Variants in SEMA3D observed in about 807,000 individuals in gnomAD.
SEMA3D encodes semaphorin 3D.
SEMA3D carries 84 observed loss-of-function variants against 100.1 expected under a neutral mutation model. That is an observed-to-expected ratio of 0.84 (90% CI 0.70 to 1.01). The LOEUF (loss-of-function observed/expected upper bound fraction) is 1.01. Ranked by LOEUF, SEMA3D falls within the 50% of genes least tolerant of loss-of-function variation. SEMA3D has a pLI of 0.00. For missense variants in SEMA3D, 875 were observed against 934.1 expected (o/e 0.94, Z 0.82); for synonymous variants, 312 against 320.7 (o/e 0.97, Z 0.29).
chr7:85,014,058 G>A (rs1790030664), intron 16 of SEMA3D, among the ~76,000 whole-genome samples: 1 of 151,488 alleles, frequency 6.6e-6, no homozygotes, highest in Non-Finnish European at 1.5e-5. Flanking sequence ...TGGATTTCAG[G>A]GAATATAAAA....
In SEMA3D at chr7:85,006,897, C is replaced by T; in HGVS notation, c.1813G>A (p.Glu605Lys). 6.2e-7 allele frequency: 1 copy of T among 1,610,630 alleles called. No homozygotes were observed. The highest frequency in any genetic ancestry group is 8.5e-7 in the Non-Finnish European group (1 of 1,177,928). Reference sequence around the variant, plus strand: ...CATTCCAGAAAGGTTGAGTTAAATTCAATGCCAAAAATCACCTTTTCATCA... The same window carrying T: ...CATTCCAGAAAGGTTGAGTTAAATTTAATGCCAAAAATCACCTTTTCATCA... Reference protein sequence around the residue: ...TADEKVIFGIEFNSTFLECIP... With the variant: ...TADEKVIFGIKFNSTFLECIP... The change falls in exon 18 of 19, where the codon GAA becomes AAA. Residue 605 changes from glutamate (E) to lysine (K), a missense_variant. Transcript: ENST00000284136.
chr7:85,225,600 A>G, the SEMA3D span, among the ~76,000 whole-genome samples: 2 of 152,300 alleles, frequency 1.3e-5, no homozygotes. Flanking sequence ...ATTTTGATTT[A>G]GGTACATATC....
At chr7:85,029,718 C>A in intron 12 of SEMA3D, 1 of 285,942 alleles carries the variant, frequency 3.5e-6, no homozygotes, top group Non-Finnish European at 7.0e-6. Context: ...ATAGATGTAG[C>A]ATTCTTCTAC....
chr7:85,075,516 A>G (rs1791897596), intron 5 of SEMA3D, among the ~76,000 whole-genome samples: 1 of 152,068 alleles, frequency 6.6e-6, no homozygotes, highest in African/African-American at 2.4e-5. Context: ...CCTAGAAAGT[A>G]GCCTAATATG....
chr7:85,214,795 C>T, the SEMA3D span, among the ~76,000 whole-genome samples: 5 of 152,080 alleles, frequency 3.3e-5, no homozygotes, highest in African/African-American at 1.2e-4. Flanking sequence ...CGTGCCCGGC[C>T]TGTTTTTGGC....
intron 2 of SEMA3D, chr7:85,140,673 A>C (rs1242040251): frequency 1.0e-6 from 1 of 979,212 alleles, no homozygotes; most frequent in East Asian, 1.1e-4. Flanking sequence ...CACATTATTA[A>C]GTGCTTCTGT....
intron 11 of SEMA3D, among the ~76,000 whole-genome samples, chr7:85,037,435 GTTA>G (rs944120760): frequency 1.2e-4 from 19 of 152,148 alleles, no homozygotes; most frequent in Admixed American, 4.6e-4. Context: ...TTTATTTAAA[GTTA>G]TTATGGCATA....
chr7:85,164,433 C>T lies in SEMA3D; in HGVS notation c.-172-10694G>A, dbSNP rs115990874. On this transcript the variant is annotated intron_variant, in intron 1 of 18. Coordinates refer to ENST00000284136, the MANE Select transcript of SEMA3D (RefSeq NM_001384900.1). ...TAAGCAGATAGAGAGCATTTTTGAG[C>T]TGCAAATCTTTAAAAAATATTTTTT... 1.6e-3 allele frequency among the ~76,000 whole-genome samples: 245 copies of T among 152,168 alleles called. 1 individual carries two copies. The highest frequency in any genetic ancestry group is 5.7e-3 in the African/African-American group (235 of 41,538).
chr7:85,245,480 G>A, the SEMA3D span, among the ~76,000 whole-genome samples: 4 of 152,158 alleles, frequency 2.6e-5, no homozygotes, highest in East Asian at 3.9e-4. Context: ...TATAATGTTC[G>A]ACTTTCTCAA....
the SEMA3D span, among the ~76,000 whole-genome samples, chr7:85,243,153 C>A: frequency 6.6e-6 from 1 of 152,280 alleles, no homozygotes; most frequent in African/African-American, 2.4e-5. Flanking sequence ...TCTGATGGAA[C>A]CTCAGCAGGT....
chr7:85,202,731 A>C, the SEMA3D span, among the ~76,000 whole-genome samples: 3 of 152,198 alleles, frequency 2.0e-5, no homozygotes, highest in Non-Finnish European at 4.4e-5. Context: ...GCCAAAAAAC[A>C]CATGAAAAAA....
At chr7:85,206,603 A>G in the SEMA3D span, among the ~76,000 whole-genome samples, 1 of 152,158 alleles carries the variant, frequency 6.6e-6, no homozygotes, top group Non-Finnish European at 1.5e-5. Flanking sequence ...AATTTCAACC[A>G]GTTACATGTT....
chr7:85,224,465 T>A, the SEMA3D span, among the ~76,000 whole-genome samples: 5 of 152,262 alleles, frequency 3.3e-5, no homozygotes, highest in East Asian at 5.8e-4. Context: ...AAGTTATGGC[T>A]GAAATTAATT....
At chr7:85,151,435 T>C (rs140600796) in intron 2 of SEMA3D, among the ~76,000 whole-genome samples, 19 of 152,166 alleles carry the variant, frequency 1.2e-4, no homozygotes, top group African/African-American at 2.6e-4. Context: ...TGTGATACTC[T>C]TAAAAAACAG....
chr7:85,043,445 C>T (rs1201167129), intron 9 of SEMA3D, among the ~76,000 whole-genome samples: 3 of 152,044 alleles, frequency 2.0e-5, no homozygotes, highest in African/African-American at 7.2e-5. Flanking sequence ...TGAAATGGTT[C>T]ATTAAAAATG....
In SEMA3D at chr7:84,999,856, C is replaced by A. The variant is rs770945330; in HGVS notation, c.1918G>T (p.Asp640Tyr). 24 of 1,611,602 alleles carry A rather than the reference C, an allele frequency of 1.5e-5. No homozygotes were observed. The highest frequency in any genetic ancestry group is 2.0e-5 in the Non-Finnish European group (24 of 1,178,406). The change falls in exon 19 of 19, where the codon GAT becomes TAT. Residue 640 changes from aspartate (D) to tyrosine (Y), a missense_variant. Physicochemically the swap from Asp to Tyr is radical, Grantham distance 160. Transcript: ENST00000284136. ...TATTCCGTTTTGATGATTCTTTCATCGGGCTTCAACTGCAGAATTGGAAAA... is the reference window on the plus strand; with the variant it reads ...TATTCCGTTTTGATGATTCTTTCATAGGGCTTCAACTGCAGAATTGGAAAA... ...GDEHREELKP[D>Y]ERIIKTEYGL...
At chr7:85,135,684 C>G (rs1583956727) in intron 2 of SEMA3D, among the ~76,000 whole-genome samples, 1 of 132,296 alleles carries the variant, frequency 7.6e-6, no homozygotes, top group Non-Finnish European at 1.7e-5. Context: ...AATAAATAAA[C>G]ATTAAAAAAG....
the SEMA3D span, among the ~76,000 whole-genome samples, chr7:85,248,772 GCATAACT>G: frequency 6.6e-6 from 1 of 152,104 alleles, no homozygotes; most frequent in East Asian, 1.9e-4. Flanking sequence ...TCTGGAAAGG[GCATAACT>G]ATGGAAACGG....
At chr7:85,214,805 C>G in the SEMA3D span, among the ~76,000 whole-genome samples, 1 of 152,010 alleles carries the variant, frequency 6.6e-6, no homozygotes, top group Admixed American at 6.6e-5. Flanking sequence ...CTGTTTTTGG[C>G]TCTTATAATG....
Sources: allele counts gnomAD v4.1 joint callset (sites outside exome capture counted in the v4.1 genomes callset), GRCh38; gene constraint gnomAD v4.1.1; transcripts MANE v1.5; gene names NCBI Gene and HGNC (gene_info 2026-07-23, HGNC 2026-07-21).